The following HCLS1 variants were observed in gnomAD, a reference collection of about 807,000 sequenced individuals.
HCLS1 encodes the protein hematopoietic lineage cell-specific protein.
A neutral mutation model predicts 68.6 loss-of-function variants in HCLS1; 44 were observed. The observed-to-expected ratio is 0.64, with a 90% CI of 0.50 to 0.82. The LOEUF is 0.82. Among genes scored for constraint, HCLS1 ranks in the 40% least tolerant of loss-of-function variants. The probability of loss-of-function intolerance (pLI) is 0.00; values close to 1 mark genes in which losing one functional copy is unlikely to be tolerated. For missense variants in HCLS1, 602 were observed against 612.1 expected (o/e 0.98, Z 0.17); for synonymous variants, 217 against 225.8 (o/e 0.96, Z 0.35).
chr3:121,651,099 C>T (rs1305688644), intron 3 of HCLS1, among the ~76,000 whole-genome samples: 1 of 152,160 alleles, frequency 6.6e-6, no homozygotes, highest in African/African-American at 2.4e-5. Context: ...CATGTCACTG[C>T]ACTCCAGCCT....
At chr3:121,642,507 G>C (rs933393462) in intron 6 of HCLS1, among the ~76,000 whole-genome samples, 1 of 151,926 alleles carries the variant, frequency 6.6e-6, no homozygotes, top group Non-Finnish European at 1.5e-5. Context: ...GGTGGGTGTG[G>C]TGGCTCATGC....
chr3:121,631,915 G>A lies in HCLS1; in HGVS notation c.1392C>T (p.Gly464=). The A allele has an allele frequency of 3.7e-6, 6 of 1,614,180 alleles. No individual in the cohort carries two copies. The highest frequency in any genetic ancestry group is 4.2e-6 in the Non-Finnish European group (5 of 1,180,004). ...VITDIEMVDE[G]WWRGRCHGHF... is the part of the protein sequence containing the mutation. ...GGCCATGGCAACGTCCCCGCCACCA[G>A]CCCTCGTCCACCATCTCAATGTCAG... Residue 464 remains glycine, a synonymous_variant, in exon 14 of 14, where the codon GGC becomes GGT. Transcript: ENST00000314583.
At chr3:121,635,144 C>T (rs1306209129) in intron 9 of HCLS1, among the ~76,000 whole-genome samples, 2 of 151,794 alleles carry the variant, frequency 1.3e-5, no homozygotes, top group Admixed American at 6.6e-5. Flanking sequence ...TCTCTGCCTC[C>T]GATTCCTTCC....
chr3:121,644,586 C>A, intron 5 of HCLS1: 1 of 645,506 alleles, frequency 1.5e-6, no homozygotes, highest in Non-Finnish European at 2.9e-6. Context: ...TTCAAACACA[C>A]AGTTTGAGAG....
chr3:121,633,905 T>C (rs2049124650), intron 10 of HCLS1, among the ~76,000 whole-genome samples: 1 of 152,194 alleles, frequency 6.6e-6, no homozygotes, highest in East Asian at 1.9e-4. Flanking sequence ...ATGGAACTCA[T>C]CCCTCAAGAT....
intron 3 of HCLS1, 62 bp from the exon 4 acceptor site, chr3:121,647,510 C>G (rs762914284): frequency 1.3e-6 from 2 of 1,583,898 alleles, no homozygotes; most frequent in South Asian, 1.1e-5. Flanking sequence ...CCCATCTTCC[C>G]AGAAAAATGG....
At chr3:121,634,102 C>T in intron 10 of HCLS1, 105 bp downstream of exon 10, 1 of 1,565,632 alleles carries the variant, frequency 6.4e-7, no homozygotes, top group South Asian at 1.2e-5. Context: ...CCTTGCCTAA[C>T]CCAGGGGAGG....
intron 1 of HCLS1, among the ~76,000 whole-genome samples, chr3:121,659,557 T>C (rs1352435287): frequency 1.3e-5 from 2 of 152,158 alleles, no homozygotes; most frequent in African/African-American, 2.4e-5. Flanking sequence ...TTGAGCAACC[T>C]CTTAAAAACC....
At chr3:121,644,788 G>T in intron 5 of HCLS1, 30 bp downstream of exon 5, 3 of 1,450,556 alleles carry the variant, frequency 2.1e-6, no homozygotes, top group Non-Finnish European at 2.9e-6. Flanking sequence ...GACTGGAGGT[G>T]GGTGGTTGGG....
At chr3:121,650,495 G>A (rs1937725830) in intron 3 of HCLS1, among the ~76,000 whole-genome samples, 1 of 151,968 alleles carries the variant, frequency 6.6e-6, no homozygotes, top group Non-Finnish European at 1.5e-5. Flanking sequence ...GAACAGAATA[G>A]AGTCCAGAAA....
rs1383787778 is a variant in HCLS1, at chr3:121,632,381, A to G, written c.1191T>C (p.Tyr397=). Residue 397 remains tyrosine (Y), a synonymous_variant, in exon 12 of 14, where the codon TAT becomes TAC. Transcript: ENST00000314583. ...AATCTTCAGGCTCGAGCACCTCCTCATAGTCCCCCTCTGGTTCATCCTCCT... is the reference window on the plus strand; with the variant it reads ...AATCTTCAGGCTCGAGCACCTCCTCGTAGTCCCCCTCTGGTTCATCCTCCT... The part of the protein sequence containing the change: ...HEQEDEPEGD[Y]EEVLEPEDSS... 1 of 1,614,052 alleles carries G rather than the reference A, an allele frequency of 6.2e-7. No homozygotes were observed. Among genetic ancestry groups the G allele is most frequent in the East Asian group, 2.2e-5 (1 of 44,886 alleles).
rs986328807 is a variant in HCLS1, at chr3:121,655,569, C to T, written c.158+1710G>A. 6 of 139,856 alleles carry T rather than the reference C, an allele frequency of 4.3e-5. 1 individual carries two copies. In the South Asian group the frequency reaches 1.2e-3, roughly 27 times the overall value. The allele number at this position is 139,856 out of a possible 1,614,324, so 8.7% of individuals were successfully genotyped here. A position where few individuals can be genotyped will look rare whatever the true frequency, so the allele number is the denominator to read the frequency against. On this transcript the variant is annotated intron_variant, in intron 3 of 13. Transcript: ENST00000314583. ...TAGCAATAATCACACCTCGGATAAA[C>T]CTCATTGGCTACAATACCACCAAAG...
At chr3:121,657,712 G>T (rs1432593648) in intron 2 of HCLS1, among the ~76,000 whole-genome samples, 1 of 152,082 alleles carries the variant, frequency 6.6e-6, no homozygotes, top group Non-Finnish European at 1.5e-5. Flanking sequence ...CAACTGCAGG[G>T]ACTACTTGGG....
chr3:121,631,901 C>A lies in HCLS1; in HGVS notation c.1406G>T (p.Arg469Leu), dbSNP rs146030198. Residue 469 changes from arginine to leucine, a missense_variant, in exon 14 of 14, where the codon CGT becomes CTT. Transcript: ENST00000314583. ...GAAGAGTCCAAAGTGGCCATGGCAACGTCCCCGCCACCAGCCCTCGTCCAC... is the reference window on the plus strand; with the variant it reads ...GAAGAGTCCAAAGTGGCCATGGCAAAGTCCCCGCCACCAGCCCTCGTCCAC... ...EMVDEGWWRG[R>L]CHGHFGLFPA... 2 of 1,614,160 alleles carry A rather than the reference C, an allele frequency of 1.2e-6. No homozygotes were observed. The highest frequency in any genetic ancestry group is 4.5e-5 in the East Asian group (2 of 44,882).
chr3:121,655,420 T>A (rs1439431934), intron 3 of HCLS1: 1 of 151,502 alleles, frequency 6.6e-6, no homozygotes, highest in Admixed American at 6.6e-5. Context: ...GGGTGGCTAT[T>A]TTTTTTTAAG....
intron 10 of HCLS1, 21 bp downstream of exon 10, chr3:121,634,186 C>T (rs377344402): frequency 1.9e-6 from 3 of 1,613,510 alleles, no homozygotes; most frequent in Non-Finnish European, 2.5e-6. Flanking sequence ...GGATGTGGAT[C>T]CCAGAGGGCC....
chr3:121,633,107 T>G lies in HCLS1; in HGVS notation c.968A>C (p.His323Pro). The G allele has an allele frequency of 6.2e-7, 1 of 1,613,346 alleles. No individual in the cohort carries two copies. The highest frequency in any genetic ancestry group is 8.5e-7 in the Non-Finnish European group (1 of 1,179,612). ...ESEPVRTSRE[H>P]PVPLLPIRQT... ...CCTAATGGGCAGCAAGGGCACTGGGTGTTCCCTGCTGGTTCTCACAGGCTC... is the reference window on the plus strand; with the variant it reads ...CCTAATGGGCAGCAAGGGCACTGGGGGTTCCCTGCTGGTTCTCACAGGCTC... Residue 323 changes from histidine (H) to proline (P), a missense_variant, in exon 11 of 14, where the codon CAC becomes CCC. By Grantham distance (77) the His-to-Pro change is moderately conservative. Coordinates refer to ENST00000314583, the MANE Select transcript of HCLS1 (RefSeq NM_005335.6).
chr3:121,633,729 AG>A (rs1318524256), intron 10 of HCLS1, among the ~76,000 whole-genome samples: 2 of 151,814 alleles, frequency 1.3e-5, no homozygotes, highest in Admixed American at 6.6e-5. Context: ...TTATAGCGAT[AG>A]GTTCTTACTA....
At position 121,632,450 on chromosome 3, in the gene HCLS1, A is replaced by AGGCTCG. The variant is rs774997333; in HGVS notation, c.1116_1121dup (p.Pro374_Glu375dup). ...CCTCAACGTCCTCATAGTCATTCTC[A>AGGCTCG]GGCTCGGGCTCAGGCTCGGGCTCAG... On this transcript the variant is annotated inframe_insertion, in exon 12 of 14. Coordinates refer to ENST00000314583, the MANE Select transcript of HCLS1 (RefSeq NM_005335.6). 1.2e-6 allele frequency: 2 copies of AGGCTCG among 1,612,730 alleles called. No individual in the cohort carries two copies. The highest frequency in any genetic ancestry group is 2.2e-5 in the East Asian group (1 of 44,852).
Sources: gnomAD v4.1 joint callset for allele counts (sites outside exome capture counted in the v4.1 genomes callset) on GRCh38, gnomAD v4.1.1 for gene constraint, MANE v1.5 for transcripts, NCBI Gene and HGNC (gene_info 2026-07-23, HGNC 2026-07-21) for gene names.